RBFOX1: variants seen among roughly 807,000 people sequenced by gnomAD.
RBFOX1 encodes the protein RNA binding fox-1 homolog 1.
RBFOX1 carries 8 observed loss-of-function variants against 57.7 expected under a neutral mutation model. The ratio of observed to expected loss-of-function variants is 0.14; its 90% confidence interval spans 0.08 to 0.25. The LOEUF (loss-of-function observed/expected upper bound fraction) is 0.25, where lower values mean the gene tolerates loss of function less well. Ranked by LOEUF, RBFOX1 falls within the 10% of genes least tolerant of loss-of-function variation. The pLI is 1.00. For synonymous variants in RBFOX1, 326 were observed against 222.4 expected, an observed-to-expected ratio of 1.47 and a Z score of -4.15; for missense variants, 611 against 548.5, an observed-to-expected ratio of 1.11 and a Z score of -1.14.
intron 4 of RBFOX1, among the ~76,000 whole-genome samples, chr16:5,954,580 C>A (rs2059586425): frequency 1.3e-5 from 2 of 152,020 alleles, no homozygotes; most frequent in African/African-American, 2.4e-5. Flanking sequence ...GGGGGCAGGC[C>A]AGAAAGGGCA....
chr16:6,787,960 T>C (rs893362668), intron 3 of RBFOX1, among the ~76,000 whole-genome samples: 36 of 151,808 alleles, frequency 2.4e-4, no homozygotes, highest in African/African-American at 8.5e-4. Context: ...CGGTGGCTCA[T>C]GTCTGTAATC....
intron 1 of RBFOX1, among the ~76,000 whole-genome samples, chr16:5,300,242 A>G (rs1462606843): frequency 6.6e-6 from 1 of 152,166 alleles, no homozygotes; most frequent in African/African-American, 2.4e-5. Flanking sequence ...ACTTTCATGA[A>G]GGGTATTGAT....
intron 3 of RBFOX1, among the ~76,000 whole-genome samples, chr16:6,896,635 A>C (rs2066985847): frequency 6.6e-6 from 1 of 152,196 alleles, no homozygotes; most frequent in Admixed American, 6.5e-5. Flanking sequence ...ACGGTATTTC[A>C]AACGCACTTA....
intron 5 of RBFOX1, among the ~76,000 whole-genome samples, chr16:7,547,865 C>T (rs948690314): frequency 1.3e-5 from 2 of 152,160 alleles, no homozygotes; most frequent in Non-Finnish European, 2.9e-5. Flanking sequence ...GAAGAGTAAT[C>T]TATCCTGATA....
At chr16:6,125,277 C>G (rs1020875127) in intron 1 of RBFOX1, among the ~76,000 whole-genome samples, 3 of 152,026 alleles carry the variant, frequency 2.0e-5, no homozygotes, top group Admixed American at 2.0e-4. Context: ...AATAATAAGT[C>G]ACTAGATGGA....
chr16:7,031,693 T>C (rs2042839802), intron 3 of RBFOX1, among the ~76,000 whole-genome samples: 1 of 152,180 alleles, frequency 6.6e-6, no homozygotes, highest in Non-Finnish European at 1.5e-5. Flanking sequence ...GATAATCCAG[T>C]ACTTTATAAA....
chr16:5,996,052 A>G (rs2060484979), intron 4 of RBFOX1, among the ~76,000 whole-genome samples: 1 of 152,134 alleles, frequency 6.6e-6, no homozygotes, highest in Non-Finnish European at 1.5e-5. Flanking sequence ...TTATAAGAGT[A>G]CTAATTCCAA....
At chr16:7,501,161 A>G (rs75598044) in intron 4 of RBFOX1, among the ~76,000 whole-genome samples, 2,365 of 152,270 alleles carry the variant, frequency 0.016, 66 homozygotes, top group African/African-American at 0.054. Context: ...CAGCTGAGAT[A>G]TTTTGATGAT....
intron 5 of RBFOX1, among the ~76,000 whole-genome samples, chr16:7,569,169 G>A (rs564061930): frequency 7.2e-5 from 11 of 152,232 alleles, no homozygotes; most frequent in Admixed American, 7.2e-4. Flanking sequence ...GCTTTCTGAT[G>A]AGCGTGCAAT....
chr16:6,283,959 G>A (rs2076644940), intron 1 of RBFOX1, among the ~76,000 whole-genome samples: 1 of 152,248 alleles, frequency 6.6e-6, no homozygotes, highest in Non-Finnish European at 1.5e-5. Context: ...AAGTACAGGA[G>A]TGCAATGCAG....
chr16:7,504,279 G>A (rs906965982), intron 4 of RBFOX1, among the ~76,000 whole-genome samples: 2 of 152,054 alleles, frequency 1.3e-5, no homozygotes, highest in East Asian at 3.9e-4. Flanking sequence ...ATTTAGGGCA[G>A]TGGCAAGCAT....
chr16:7,242,729 G>T (rs562536677), intron 4 of RBFOX1, among the ~76,000 whole-genome samples: 2 of 152,296 alleles, frequency 1.3e-5, no homozygotes, highest in African/African-American at 4.8e-5. Context: ...TGATTGAGTG[G>T]CCACGTGCAT....
intron 14 of RBFOX1, among the ~76,000 whole-genome samples, chr16:7,699,327 G>C (rs1231625246): frequency 6.6e-6 from 1 of 152,104 alleles, no homozygotes; most frequent in African/African-American, 2.4e-5. Flanking sequence ...TAGTAGCTGG[G>C]AGTACAGGCA....
At chr16:5,289,282 A>C (rs1401569893) in intron 1 of RBFOX1, 6 of 413,712 alleles carry the variant, frequency 1.5e-5, no homozygotes, top group Admixed American at 7.9e-5. Context: ...CCCAGGCATC[A>C]TGGGCATGTG....
At chr16:6,058,643 C>CA (rs147250576) in intron 1 of RBFOX1, among the ~76,000 whole-genome samples, 6,309 of 143,478 alleles carry the variant, frequency 0.044, 253 homozygotes, top group African/African-American at 0.099. Context: ...CCCATCCACC[C>CA]ATCCATCCAC....
intron 4 of RBFOX1, among the ~76,000 whole-genome samples, chr16:5,962,181 T>C (rs980876168): frequency 2.6e-5 from 4 of 152,194 alleles, no homozygotes; most frequent in African/African-American, 9.7e-5. Context: ...TACACTCATA[T>C]ATAGTTGGTC....
intron 11 of RBFOX1, among the ~76,000 whole-genome samples, chr16:7,646,840 G>A (rs138647128): frequency 1.3e-5 from 2 of 152,202 alleles, no homozygotes; most frequent in African/African-American, 4.8e-5. Context: ...GATCTCATTT[G>A]TGTTTATTTT....
chr16:6,095,134 C>T (rs181202555), intron 1 of RBFOX1, among the ~76,000 whole-genome samples: 1 of 152,130 alleles, frequency 6.6e-6, no homozygotes, highest in African/African-American at 2.4e-5. Flanking sequence ...AGTATGGGCC[C>T]ATACATATAT....
At position 5,466,534 on chromosome 16, in the gene RBFOX1, G is replaced by C. The variant is rs569340259; in HGVS notation, c.220-682G>C. On this transcript the variant is annotated intron_variant, in intron 1 of 2. Coordinates refer to the RBFOX1 transcript ENST00000585867. Reference sequence around the variant, plus strand: ...CTTCCTCAAGGCAGCTAGGGTTTCTGTGTGTGCCCTCTGGGAATCCTAGTT... The same window carrying C: ...CTTCCTCAAGGCAGCTAGGGTTTCTCTGTGTGCCCTCTGGGAATCCTAGTT... Among the ~76,000 whole-genome samples the C allele has an allele frequency of 5.3e-5, 8 of 152,340 alleles. No individual in the cohort carries two copies. The South Asian group carries it at 6.2e-4, about 12-fold the overall frequency.
Sources: gnomAD v4.1 joint callset for allele counts (sites outside exome capture counted in the v4.1 genomes callset) on GRCh38, gnomAD v4.1.1 for gene constraint, MANE v1.5 for transcripts, NCBI Gene and HGNC (gene_info 2026-07-23, HGNC 2026-07-21) for gene names.